Variants in ST6GAL2 observed in about 807,000 individuals in gnomAD.
ST6GAL2 encodes beta-galactoside alpha-2,6-sialyltransferase 2.
In ST6GAL2, 24 loss-of-function variants were observed where a neutral mutation model predicts 37.5. The observed-to-expected ratio is 0.64, with a 90% CI of 0.46 to 0.90. The LOEUF is 0.90. ST6GAL2 is among the 40% of genes least tolerant of loss of function. The pLI is 0.00. For missense variants in ST6GAL2, 715 were observed against 712.7 expected (o/e 1.00, Z -0.04); for synonymous variants, 306 against 295.1 (o/e 1.04, Z -0.38).
intron 1 of ST6GAL2, among the ~76,000 whole-genome samples, chr2:106,879,551 T>C (rs1286483347): frequency 6.6e-6 from 1 of 151,904 alleles, no homozygotes; most frequent in East Asian, 1.9e-4. Flanking sequence ...CAGAAGAATG[T>C]TTTTTAACTA....
chr2:106,865,745 G>A (rs1678000201), intron 1 of ST6GAL2, among the ~76,000 whole-genome samples: 1 of 152,206 alleles, frequency 6.6e-6, no homozygotes, highest in South Asian at 2.1e-4. Flanking sequence ...AGGTACAGAG[G>A]AGGAAAGCAA....
intron 1 of ST6GAL2, among the ~76,000 whole-genome samples, chr2:106,871,043 T>G (rs1208874657): frequency 6.6e-6 from 1 of 152,194 alleles, no homozygotes; most frequent in East Asian, 1.9e-4. Flanking sequence ...ACAAAAAATC[T>G]AGATGGTACA....
At chr2:106,825,910 C>T (rs991000361) in intron 5 of ST6GAL2, among the ~76,000 whole-genome samples, 13 of 152,120 alleles carry the variant, frequency 8.5e-5, no homozygotes, top group Non-Finnish European at 1.3e-4. Context: ...CACCACCTTT[C>T]GCCTATATGA....
At position 106,879,827 on chromosome 2, in the gene ST6GAL2, ATAAT is replaced by A. The variant is rs527459292; in HGVS notation, c.-58+6262_-58+6265del. On this transcript the variant is annotated intron_variant, in intron 1 of 5. Coordinates refer to ENST00000409382, the MANE Select transcript of ST6GAL2 (RefSeq NM_001142351.2). ...ACAAATTATATACTATTATATATAG[ATAAT>A]TAATCTATATATAATCTATAAACTA... 2.1e-4 allele frequency among the ~76,000 whole-genome samples: 31 copies of A among 147,838 alleles called. 1 individual carries two copies. In the South Asian group the frequency reaches 2.5e-3, roughly 12 times the overall value.
chr2:106,842,489 T>G lies in ST6GAL2; in HGVS notation c.943+546A>C, dbSNP rs554217307. Among the ~76,000 whole-genome samples the G allele has an allele frequency of 5.3e-5, 8 of 152,348 alleles. No individual in the cohort carries two copies. In the South Asian group the frequency reaches 1.7e-3, roughly 32 times the overall value. ...TGGGAAAGATGTTCCCAACAGCAGC[T>G]GGGCTCTTCTCAGAGCTCACAGTAA... On this transcript the variant is annotated intron_variant, in intron 2 of 5. Coordinates refer to ENST00000409382, the MANE Select transcript of ST6GAL2 (RefSeq NM_001142351.2).
At chr2:106,872,956 G>A (rs561078771) in intron 1 of ST6GAL2, among the ~76,000 whole-genome samples, 1 of 152,244 alleles carries the variant, frequency 6.6e-6, no homozygotes, top group African/African-American at 2.4e-5. Flanking sequence ...TTAATTAACT[G>A]ACATGTGCCA....
At chr2:106,842,123 A>G (rs1347009794) in intron 2 of ST6GAL2, among the ~76,000 whole-genome samples, 2 of 152,234 alleles carry the variant, frequency 1.3e-5, no homozygotes, top group Non-Finnish European at 2.9e-5. Context: ...AGCAACACAG[A>G]AACTCTGCCT....
At position 106,832,571 on chromosome 2, in the gene ST6GAL2, A is replaced by C; in HGVS notation, c.1137T>G (p.Leu379=). The C allele has an allele frequency of 6.4e-7, 1 of 1,567,218 alleles. No homozygotes were observed. The highest frequency in any genetic ancestry group is 8.7e-7 in the Non-Finnish European group (1 of 1,152,346). ...AATCCAGGGAAACACTTACCAGGTTAAGATTTGCGGAATATGGGGCAGGGT... is the reference window on the plus strand; with the variant it reads ...AATCCAGGGAAACACTTACCAGGTTCAGATTTGCGGAATATGGGGCAGGGT... ...AWDPAPYSAN[L]NLWYKKPDYN... is the part of the protein sequence containing the mutation. Residue 379 remains leucine (L), a synonymous_variant, in exon 4 of 6, where the codon CTT becomes CTG. Transcript: ENST00000409382.
intron 1 of ST6GAL2, among the ~76,000 whole-genome samples, 184 bp from the exon 2 acceptor site, chr2:106,844,218 C>T (rs1677056308): frequency 6.6e-6 from 1 of 151,936 alleles, no homozygotes; most frequent in African/African-American, 2.4e-5. Flanking sequence ...CCTCCCCGCC[C>T]CCCACCTCCC....
chr2:106,807,346 G>A (rs551653875), intron 5 of ST6GAL2, among the ~76,000 whole-genome samples: 3 of 152,202 alleles, frequency 2.0e-5, no homozygotes, highest in African/African-American at 7.2e-5. Flanking sequence ...GGACAGTTAT[G>A]TTCCAAAGAA....
intron 5 of ST6GAL2, among the ~76,000 whole-genome samples, chr2:106,822,754 T>A (rs376402039): frequency 6.6e-6 from 1 of 152,160 alleles, no homozygotes. Context: ...ATGACCTGAC[T>A]TCAAATTATA....
At chr2:106,846,190 G>A (rs1677138011) in intron 1 of ST6GAL2, among the ~76,000 whole-genome samples, 1 of 152,198 alleles carries the variant, frequency 6.6e-6, no homozygotes, top group South Asian at 2.1e-4. Flanking sequence ...AGGAGAGCCG[G>A]TCTAGCCCAG....
intron 1 of ST6GAL2, among the ~76,000 whole-genome samples, chr2:106,884,938 TACACACACACAC>T (rs1553430039): frequency 4.9e-5 from 6 of 123,664 alleles, no homozygotes; most frequent in South Asian, 2.5e-4. Flanking sequence ...TATATATACA[TACACACACACAC>T]ATATATACAT....
intron 3 of ST6GAL2, among the ~76,000 whole-genome samples, chr2:106,833,665 C>A (rs1435385498): frequency 6.6e-6 from 1 of 152,150 alleles, no homozygotes; most frequent in Non-Finnish European, 1.5e-5. Context: ...CAAAGATCTC[C>A]TATGAACTCA....
At chr2:106,838,772 A>C (rs1044201097) in intron 2 of ST6GAL2, among the ~76,000 whole-genome samples, 2 of 152,224 alleles carry the variant, frequency 1.3e-5, no homozygotes, top group African/African-American at 4.8e-5. Context: ...ACAGTGGCTC[A>C]CACCTGTACT....
chr2:106,812,542 C>T (rs571721784), intron 5 of ST6GAL2, among the ~76,000 whole-genome samples: 2 of 152,270 alleles, frequency 1.3e-5, no homozygotes, highest in Admixed American at 6.5e-5. Flanking sequence ...TAGTGAACCA[C>T]GCTTATCAGT....
At chr2:106,841,049 G>A (rs1346593012) in intron 2 of ST6GAL2, 1 of 152,198 alleles carries the variant, frequency 6.6e-6, no homozygotes, top group African/African-American at 2.4e-5. Context: ...AAGCTTATAT[G>A]ACACATGGAC....
At chr2:106,819,007 G>A (rs957990227) in intron 5 of ST6GAL2, among the ~76,000 whole-genome samples, 6 of 152,036 alleles carry the variant, frequency 3.9e-5, no homozygotes, top group Admixed American at 1.3e-4. Flanking sequence ...GAAAGAATTC[G>A]TGAGCTTGAA....
In ST6GAL2 at chr2:106,804,812, A is replaced by G. The variant is rs1425639398; in HGVS notation, c.*1866T>C. On this transcript the variant is annotated 3_prime_UTR_variant, in exon 6 of 6. Transcript: ENST00000409382. Reference sequence around the variant, plus strand: ...AACCAAGATCGCACCACTGCACTCTAGCCTGGGCGACAGAGCGAGAGACTG... The same window carrying G: ...AACCAAGATCGCACCACTGCACTCTGGCCTGGGCGACAGAGCGAGAGACTG... 1 of 134,946 alleles carries G rather than the reference A, an allele frequency of 7.4e-6. No homozygotes were observed. Among genetic ancestry groups the G allele is most frequent in the Admixed American group, 8.6e-5 (1 of 11,632 alleles). 8.4% of individuals were successfully genotyped at this position (134,946 alleles called of 1,614,324 possible).
Sources: gnomAD v4.1 joint callset for allele counts (sites outside exome capture counted in the v4.1 genomes callset) on GRCh38, gnomAD v4.1.1 for gene constraint, MANE v1.5 for transcripts, NCBI Gene and HGNC (gene_info 2026-07-23, HGNC 2026-07-21) for gene names.